ADAMTS9: variants seen among roughly 807,000 people sequenced by gnomAD.
The protein encoded by ADAMTS9 is ADAM metallopeptidase with thrombospondin type 1 motif 9, also known as A disintegrin and metalloproteinase with thrombospondin motifs 9.
Under a neutral mutation model 257.1 loss-of-function variants are expected in ADAMTS9, and 107 were observed. The ratio of observed to expected loss-of-function variants is 0.42; its 90% CI spans 0.36 to 0.49. The LOEUF (loss-of-function observed/expected upper bound fraction) is 0.49, where lower values mean the gene tolerates loss of function less well. Ranked by LOEUF, ADAMTS9 falls within the 20% of genes least tolerant of loss-of-function variation. ADAMTS9 has a pLI of 0.03. For missense variants in ADAMTS9, 2,353 were observed against 2,469.1 expected (o/e 0.95, Z 1.00); for synonymous variants, 982 against 880.9 (o/e 1.11, Z -2.03).
chr3:64,661,699 T>A (rs144496148), intron 3 of ADAMTS9, among the ~76,000 whole-genome samples: 51 of 152,310 alleles, frequency 3.3e-4, no homozygotes, highest in African/African-American at 1.2e-3. Flanking sequence ...GCCTGGTGGA[T>A]ATTTTCACGA....
chr3:64,559,752 C>T (rs1484991664), intron 30 of ADAMTS9, among the ~76,000 whole-genome samples: 5 of 152,236 alleles, frequency 3.3e-5, no homozygotes, highest in Non-Finnish European at 7.3e-5. Flanking sequence ...TTTTTCCATT[C>T]TTCGGGATGC....
chr3:64,633,990 G>T, intron 12 of ADAMTS9, 111 bp from the exon 13 acceptor site: 1 of 1,007,020 alleles, frequency 9.9e-7, no homozygotes, highest in Non-Finnish European at 1.4e-6. Context: ...ATCTAGGGTG[G>T]CAAATGACAG....
chr3:64,642,144 A>G, intron 11 of ADAMTS9, 151 bp from the exon 12 acceptor site: 1 of 913,714 alleles, frequency 1.1e-6, no homozygotes, highest in South Asian at 1.7e-5. Flanking sequence ...AATGGAAGCT[A>G]TAGGGATTTT....
At chr3:64,551,205 GT>G in intron 30 of ADAMTS9, 143 bp from the exon 31 acceptor site, 4 of 955,518 alleles carry the variant, frequency 4.2e-6, no homozygotes, top group Non-Finnish European at 4.5e-6. Flanking sequence ...TCGTTTTTTT[GT>G]TTTTTTGGTT....
In ADAMTS9 at chr3:64,622,412, G is replaced by A. The variant is rs201049399; in HGVS notation, c.2556+8C>T. On this transcript the variant is annotated splice_region_variant and intron_variant, in intron 17 of 39. Coordinates refer to ENST00000498707, the MANE Select transcript of ADAMTS9 (RefSeq NM_182920.2). ...AAAAGGGTGGTGGGCTCATGGTCAAGTTTTTACCTGAAGCAAAAGTTCTTG... is the reference window on the plus strand; with the variant it reads ...AAAAGGGTGGTGGGCTCATGGTCAAATTTTTACCTGAAGCAAAAGTTCTTG... 3.1e-6 allele frequency: 5 copies of A among 1,613,824 alleles called. No individual in the cohort carries two copies. The highest frequency in any genetic ancestry group is 3.4e-6 in the Non-Finnish European group (4 of 1,179,900).
intron 25 of ADAMTS9, among the ~76,000 whole-genome samples, chr3:64,602,530 G>A (rs1033736409): frequency 6.6e-6 from 1 of 152,030 alleles, no homozygotes; most frequent in African/African-American, 2.4e-5. Context: ...TTTATGATGT[G>A]GCCACTGACT....
chr3:64,682,701 T>C (rs912523454), intron 2 of ADAMTS9, among the ~76,000 whole-genome samples: 1 of 152,230 alleles, frequency 6.6e-6, no homozygotes, highest in African/African-American at 2.4e-5. Context: ...TCCAGGAGCT[T>C]ATTAGAAATT....
At chr3:64,568,109 A>C (rs1015516369) in intron 29 of ADAMTS9, among the ~76,000 whole-genome samples, 1 of 152,086 alleles carries the variant, frequency 6.6e-6, no homozygotes, top group African/African-American at 2.4e-5. Context: ...CCTGTGCTCC[A>C]TCTGATCCCT....
chr3:64,646,905 G>C (rs924186050), intron 11 of ADAMTS9, among the ~76,000 whole-genome samples: 2 of 152,138 alleles, frequency 1.3e-5, no homozygotes, highest in African/African-American at 4.8e-5. Flanking sequence ...GTTACTCATT[G>C]TGAGACAAGA....
At chr3:64,570,632 C>T (rs1576040094) in intron 28 of ADAMTS9, among the ~76,000 whole-genome samples, 1 of 131,778 alleles carries the variant, frequency 7.6e-6, no homozygotes, top group African/African-American at 2.9e-5. Flanking sequence ...GGAGGCAGAG[C>T]TTGCAGTGAG....
rs2083402151 is a variant in ADAMTS9, at chr3:64,560,530, T to A, written c.4698+1048A>T. On this transcript the variant is annotated intron_variant, in intron 30 of 39. Transcript: ENST00000498707. ...AACAAGCTTAGCATGAAGTCTTGCT[T>A]CTTCCACTTGCTAGGTGCTAGGTAT... Among the ~76,000 whole-genome samples, 3 of 152,284 alleles carry A rather than the reference T, an allele frequency of 2.0e-5. No individual in the cohort carries two copies. In the South Asian group the frequency reaches 6.2e-4, roughly 32 times the overall value.
At chr3:64,616,876 T>C (rs1286565602) in intron 19 of ADAMTS9, among the ~76,000 whole-genome samples, 1 of 152,194 alleles carries the variant, frequency 6.6e-6, no homozygotes, top group Non-Finnish European at 1.5e-5. Context: ...CATCACTGCT[T>C]AGAAATTGTG....
At chr3:64,609,477 A>G (rs1186930836) in intron 22 of ADAMTS9, among the ~76,000 whole-genome samples, 1 of 152,116 alleles carries the variant, frequency 6.6e-6, no homozygotes, top group Non-Finnish European at 1.5e-5. Flanking sequence ...GTGTTTCTAT[A>G]CATCAGCAAT....
chr3:64,667,734 A>T (rs1701384963), intron 3 of ADAMTS9, among the ~76,000 whole-genome samples: 1 of 152,124 alleles, frequency 6.6e-6, no homozygotes, highest in Non-Finnish European at 1.5e-5. Flanking sequence ...ATAGGCTATA[A>T]TCATACTGGC....
At chr3:64,640,675 G>A (rs1459146669) in intron 12 of ADAMTS9, among the ~76,000 whole-genome samples, 2 of 152,126 alleles carry the variant, frequency 1.3e-5, no homozygotes, top group African/African-American at 2.4e-5. Context: ...AGGTTCCATG[G>A]CAAGTCTGAG....
chr3:64,550,882 A>T lies in ADAMTS9; in HGVS notation c.4869+10T>A. ...TGAGCTGACGATGGTTACAGTTCCC[A>T]GGACGGTACCTCTGACCATTCTCCT... On this transcript the variant is annotated intron_variant, in intron 31 of 39. Transcript: ENST00000498707. The T allele has an allele frequency of 3.7e-6, 6 of 1,613,964 alleles. No individual in the cohort carries two copies. Among genetic ancestry groups the T allele is most frequent in the Non-Finnish European group, 5.1e-6 (6 of 1,179,896 alleles).
chr3:64,578,582 C>T (rs1192423331), intron 28 of ADAMTS9, among the ~76,000 whole-genome samples: 1 of 152,130 alleles, frequency 6.6e-6, no homozygotes, highest in African/African-American at 2.4e-5. Context: ...GGATGCTTAA[C>T]CACTGCAAAC....
chr3:64,554,378 T>C (rs1359706526), intron 30 of ADAMTS9, among the ~76,000 whole-genome samples: 1 of 152,242 alleles, frequency 6.6e-6, no homozygotes, highest in Non-Finnish European at 1.5e-5. Context: ...ACAGCAGCTC[T>C]GAAAATCACA....
In ADAMTS9 at chr3:64,602,047, G is replaced by T; in HGVS notation, c.3914C>A (p.Ala1305Asp). The stretch of plus-strand genomic sequence containing the variant: ...GTCCTCATTTTGGAAGGGGTGCTGA[G>T]CTAAGCCACTGTCTGGGGTCCTTTG... The part of the protein sequence containing the change: ...CPQRTPDSGL[A>D]QHPFQNEDYR... The change falls in exon 26 of 40, where the codon GCT becomes GAT. Residue 1305 changes from alanine to aspartate, a missense_variant. Coordinates refer to ENST00000498707, the MANE Select transcript of ADAMTS9 (RefSeq NM_182920.2). 6.2e-7 allele frequency: 1 copy of T among 1,614,060 alleles called. No homozygotes were observed. The highest frequency in any genetic ancestry group is 8.5e-7 in the Non-Finnish European group (1 of 1,179,984).
Sources: gnomAD v4.1 joint callset for allele counts (sites outside exome capture counted in the v4.1 genomes callset) on GRCh38, gnomAD v4.1.1 for gene constraint, MANE v1.5 for transcripts, NCBI Gene and HGNC (gene_info 2026-07-23, HGNC 2026-07-21) for gene names.